GCH1: variants seen among roughly 807,000 people sequenced by gnomAD.
The protein encoded by GCH1 is GTP cyclohydrolase I.
Under a neutral mutation model 25.9 loss-of-function variants are expected in GCH1, and 5 were observed. The observed-to-expected ratio is 0.19, with a 90% CI of 0.10 to 0.41. The LOEUF is 0.41. GCH1 is among the 10% of genes least tolerant of loss of function. GCH1 has a pLI of 1.00. For synonymous variants in GCH1, 159 were observed against 129.6 expected, an observed-to-expected ratio of 1.23 and a Z score of -1.54; for missense variants, 261 against 336.5, an observed-to-expected ratio of 0.78 and a Z score of 1.75.
At chr14:54,889,202 A>G (rs1485729394) in intron 1 of GCH1, among the ~76,000 whole-genome samples, 2 of 152,182 alleles carry the variant, frequency 1.3e-5, no homozygotes, top group Non-Finnish European at 2.9e-5. Context: ...GGTGGGGTCA[A>G]TTAGAGGGGT....
chr14:54,845,371 G>A (rs1005984452), intron 5 of GCH1, among the ~76,000 whole-genome samples: 2 of 151,430 alleles, frequency 1.3e-5, no homozygotes, highest in Non-Finnish European at 1.5e-5. Context: ...CCAGCTACTC[G>A]GGAGGCTGAG....
chr14:54,894,882 C>G (rs2140117411), intron 1 of GCH1, among the ~76,000 whole-genome samples: 1 of 152,234 alleles, frequency 6.6e-6, no homozygotes, highest in Admixed American at 6.5e-5. Flanking sequence ...AGCTACACAT[C>G]TAAAATAGTA....
At chr14:54,867,428 A>T (rs989418758) in intron 1 of GCH1, among the ~76,000 whole-genome samples, 22 of 151,872 alleles carry the variant, frequency 1.4e-4, no homozygotes, top group African/African-American at 5.3e-4. Context: ...TCTCTACTGA[A>T]AATACAAAAA....
chr14:54,872,385 G>GA (rs1566672799), intron 1 of GCH1, among the ~76,000 whole-genome samples: 1 of 152,100 alleles, frequency 6.6e-6, no homozygotes, highest in African/African-American at 2.4e-5. Flanking sequence ...ACCAGCCACT[G>GA]AAAAAACATG....
At position 54,843,714 on chromosome 14, in the gene GCH1, AT is replaced by A; in HGVS notation, c.*302del. The A allele has an allele frequency of 6.2e-7, 1 of 1,610,534 alleles. No individual in the cohort carries two copies. Among genetic ancestry groups the A allele is most frequent in the South Asian group, 1.1e-5 (1 of 89,888 alleles). On this transcript the variant is annotated 3_prime_UTR_variant, in exon 6 of 6. Transcript: ENST00000491895. The stretch of plus-strand genomic sequence containing the variant: ...CAAATTACTGTACTATTTGAAAAAA[AT>A]ACACTAATTCTTCTCCCTTCCCAGG...
chr14:54,877,670 T>C (rs1339820401), intron 1 of GCH1, among the ~76,000 whole-genome samples: 1 of 151,896 alleles, frequency 6.6e-6, no homozygotes. Context: ...ATTTTTGTAT[T>C]TTTTTGTAGA....
rs921680959 is a variant in GCH1, at chr14:54,843,421, T to C, written c.*596A>G. On this transcript the variant is annotated 3_prime_UTR_variant, in exon 6 of 6. Transcript: ENST00000491895. The stretch of plus-strand genomic sequence containing the variant: ...ACAATAGAAGGTAGAAATGTGCCTT[T>C]TTAACTCACAGTAAAATCAAAAACA... The C allele has an allele frequency of 3.3e-6, 4 of 1,227,602 alleles. 1 individual carries two copies. The African/African-American group carries it at 4.7e-5, about 14-fold the overall frequency. The allele number at this position is 1,227,602 out of a possible 1,614,324, so 76.0% of individuals were successfully genotyped here. A position where few individuals can be genotyped will look rare whatever the true frequency, so the allele number is the denominator to read the frequency against.
intron 1 of GCH1, among the ~76,000 whole-genome samples, chr14:54,882,458 T>G (rs910463530): frequency 6.6e-6 from 1 of 152,262 alleles, no homozygotes; most frequent in Non-Finnish European, 1.5e-5. Flanking sequence ...CTCTGAATAT[T>G]TCTGGTAGAC....
chr14:54,860,639 C>G (rs2039882602), intron 2 of GCH1, among the ~76,000 whole-genome samples: 1 of 150,610 alleles, frequency 6.6e-6, no homozygotes, highest in Admixed American at 6.7e-5. Flanking sequence ...CTCCAAGGTT[C>G]AAGCAATTCC....
intron 1 of GCH1, among the ~76,000 whole-genome samples, chr14:54,886,626 C>CA (rs943871694): frequency 5.9e-5 from 9 of 151,794 alleles, no homozygotes; most frequent in Admixed American, 1.3e-4. Flanking sequence ...CAAAACAAAA[C>CA]AAAAAAAACA....
rs192646689 is a variant in GCH1 at position 54,886,835 on chromosome 14, A to T, written c.343+15486T>A. On this transcript the variant is annotated intron_variant, in intron 1 of 5. Coordinates refer to ENST00000491895, the MANE Select transcript of GCH1 (RefSeq NM_000161.3). ...CTGAAGGGGAGAGGTCCCCTTCAGG[A>T]AACACGCATCAGGGGTTATTGTAGG... 2.6e-4 allele frequency among the ~76,000 whole-genome samples: 40 copies of T among 152,318 alleles called. No homozygotes were observed. In the East Asian group the frequency reaches 7.3e-3, roughly 28 times the overall value.
chr14:54,871,330 C>T (rs1385767942), intron 1 of GCH1, among the ~76,000 whole-genome samples: 2 of 152,180 alleles, frequency 1.3e-5, no homozygotes, highest in South Asian at 2.1e-4. Context: ...AAGACATCCA[C>T]ACCAAAATCC....
intron 1 of GCH1, among the ~76,000 whole-genome samples, chr14:54,880,214 G>A (rs2040226404): frequency 6.7e-6 from 1 of 150,348 alleles, no homozygotes; most frequent in Non-Finnish European, 1.5e-5. Context: ...ACTGGATCAG[G>A]AAGTGATAAC....
At chr14:54,897,160 C>G (rs534542592) in intron 1 of GCH1, among the ~76,000 whole-genome samples, 2 of 151,154 alleles carry the variant, frequency 1.3e-5, no homozygotes, top group African/African-American at 4.9e-5. Flanking sequence ...CAGGCACGCA[C>G]CACCACACCC....
chr14:54,875,035 A>T (rs1451579178), intron 1 of GCH1, among the ~76,000 whole-genome samples: 1 of 152,192 alleles, frequency 6.6e-6, no homozygotes, highest in Non-Finnish European at 1.5e-5. Flanking sequence ...AGCCAAAAGA[A>T]CAAAGCTGGA....
chr14:54,846,956 G>T (rs1299997229), intron 4 of GCH1, 143 bp downstream of exon 4: 6 of 440,232 alleles, frequency 1.4e-5, no homozygotes, highest in Non-Finnish European at 2.5e-5. Context: ...CAGCTACTTG[G>T]AAGGCTGAGG....
At chr14:54,862,263 T>A (rs942089558) in intron 2 of GCH1, among the ~76,000 whole-genome samples, 1 of 151,748 alleles carries the variant, frequency 6.6e-6, no homozygotes, top group Non-Finnish European at 1.5e-5. Context: ...ACTATTGACC[T>A]GAAGCTATCC....
chr14:54,894,426 G>A (rs905096653), intron 1 of GCH1, among the ~76,000 whole-genome samples: 1 of 152,140 alleles, frequency 6.6e-6, no homozygotes, highest in Non-Finnish European at 1.5e-5. Flanking sequence ...GAGTGAGTAT[G>A]GTTCTGCTGA....
chr14:54,872,377 C>T (rs1461941377), intron 1 of GCH1, among the ~76,000 whole-genome samples: 1 of 152,260 alleles, frequency 6.6e-6, no homozygotes, highest in South Asian at 2.1e-4. Flanking sequence ...CAACCGGTAC[C>T]AGCCACTGAA....
Sources: gnomAD v4.1 joint callset for allele counts (sites outside exome capture counted in the v4.1 genomes callset) on GRCh38, gnomAD v4.1.1 for gene constraint, MANE v1.5 for transcripts, NCBI Gene and HGNC (gene_info 2026-07-23, HGNC 2026-07-21) for gene names.